Variants in VPS13B observed in about 807,000 individuals in gnomAD.
VPS13B encodes the protein intermembrane lipid transfer protein VPS13B.
In VPS13B, 285 loss-of-function variants were observed where a neutral mutation model predicts 426.4. The ratio of observed to expected loss-of-function variants is 0.67; its 90% CI spans 0.61 to 0.74. The LOEUF (loss-of-function observed/expected upper bound fraction) is 0.74, where lower values mean the gene tolerates loss of function less well. VPS13B is among the 30% of genes least tolerant of loss of function. The pLI, the probability that VPS13B is intolerant of heterozygous loss-of-function variation, is 0.00. For missense variants in VPS13B, 4,537 were observed against 4,782.6 expected, an observed-to-expected ratio of 0.95 and a Z score of 1.51; for synonymous variants, 1,676 against 1,676.4, an observed-to-expected ratio of 1.00 and a Z score of 0.01.
intron 26 of VPS13B, among the ~76,000 whole-genome samples, 187 bp downstream of exon 26, chr8:99,502,045 C>T (rs546714952): frequency 4.6e-5 from 7 of 152,020 alleles, no homozygotes; most frequent in Admixed American, 3.9e-4. Context: ...AGTGCACTGG[C>T]GTGACCTTGC....
intron 3 of VPS13B, among the ~76,000 whole-genome samples, chr8:99,046,880 CT>C (rs1843267616): frequency 6.6e-6 from 1 of 152,272 alleles, no homozygotes; most frequent in East Asian, 1.9e-4. Flanking sequence ...ATGAAACCCA[CT>C]TGATCATGGG....
rs149891835 is a variant in VPS13B at position 99,132,593 on chromosome 8, G to C, written c.1207-2039G>C. Among the ~76,000 whole-genome samples the C allele has an allele frequency of 2.5e-3, 382 of 151,856 alleles. 5 individuals carry two copies. The highest frequency in any genetic ancestry group is 8.9e-3 in the African/African-American group (364 of 41,122). ...GAAAGTTTTTGATTTACTTTGCCTA[G>C]ATCCATCAGAGGAATCACTATCTAT... On this transcript the variant is annotated intron_variant, in intron 8 of 61. Coordinates refer to ENST00000357162, the MANE Select transcript of VPS13B (RefSeq NM_152564.5).
rs1426402069 is a variant in VPS13B at position 99,814,174 on chromosome 8, ATAGT to A, written c.8098-3363_8098-3360del. 3.9e-5 allele frequency among the ~76,000 whole-genome samples: 6 copies of A among 152,298 alleles called. No individual in the cohort carries two copies. In the East Asian group the frequency reaches 7.7e-4, roughly 20 times the overall value. On this transcript the variant is annotated intron_variant, in intron 44 of 61. Transcript: ENST00000357162. ...GATAATAATAATAGTTCATTTATAA[ATAGT>A]TATTCATATTTATTGGTGTAAATAA... is the stretch of plus-strand genomic sequence containing the variant.
intron 31 of VPS13B, among the ~76,000 whole-genome samples, chr8:99,569,214 A>G (rs890422136): frequency 6.6e-6 from 1 of 152,096 alleles, no homozygotes; most frequent in African/African-American, 2.4e-5. Context: ...ATGTTGCATA[A>G]GAATTGCTCT....
intron 30 of VPS13B, among the ~76,000 whole-genome samples, chr8:99,540,640 T>A (rs1439346337): frequency 6.6e-6 from 1 of 152,204 alleles, no homozygotes; most frequent in Admixed American, 6.5e-5. Context: ...TTCTCCACTT[T>A]TGACCATGTC....
intron 16 of VPS13B, among the ~76,000 whole-genome samples, chr8:99,185,318 A>G (rs1401941095): frequency 6.6e-6 from 1 of 152,214 alleles, no homozygotes; most frequent in Non-Finnish European, 1.5e-5. Flanking sequence ...TTGGGAGTAA[A>G]TAGTATTAGC....
rs772633497 is a variant in VPS13B, at chr8:99,720,350, C to T, written c.6663C>T (p.Phe2221=). The T allele has an allele frequency of 1.9e-6, 3 of 1,612,296 alleles. No individual in the cohort carries two copies. The South Asian group carries it at 3.3e-5, about 18-fold the overall frequency. ...ATTTTTTTATGATTTTAAAGGTCTT[C>T]TGGGGTCAAGAACATTTGAATTGTT... is the stretch of plus-strand genomic sequence containing the variant. ...IDLRGGLLQV[F]WGQEHLNCLV... The change falls in exon 38 of 62, where the codon TTC becomes TTT. Residue 2221 remains phenylalanine (F), a synonymous_variant. Coordinates refer to ENST00000357162, the MANE Select transcript of VPS13B (RefSeq NM_152564.5).
At chr8:99,080,755 T>C (rs1052546007) in intron 3 of VPS13B, among the ~76,000 whole-genome samples, 4 of 152,242 alleles carry the variant, frequency 2.6e-5, no homozygotes, top group African/African-American at 9.6e-5. Context: ...TTAATTTTAT[T>C]GTGACTTAAT....
chr8:99,073,415 G>A (rs923655497), intron 3 of VPS13B, among the ~76,000 whole-genome samples: 2 of 151,932 alleles, frequency 1.3e-5, no homozygotes, highest in Non-Finnish European at 2.9e-5. Flanking sequence ...TGAGTGTTTC[G>A]TAGTTTTTAT....
At chr8:99,393,625 T>TA (rs1430016983) in intron 21 of VPS13B, among the ~76,000 whole-genome samples, 1 of 152,134 alleles carries the variant, frequency 6.6e-6, no homozygotes, top group African/African-American at 2.4e-5. Context: ...CAAGCTTGCA[T>TA]AAAAATTAAT....
chr8:99,285,580 A>G (rs1588208725), intron 19 of VPS13B, among the ~76,000 whole-genome samples: 1 of 152,292 alleles, frequency 6.6e-6, no homozygotes, highest in South Asian at 2.1e-4. Context: ...TACCAGTATT[A>G]CTTTATTTTC....
chr8:99,635,725 G>T (rs73702030), intron 33 of VPS13B, among the ~76,000 whole-genome samples: 3,586 of 151,956 alleles, frequency 0.024, 141 homozygotes, highest in African/African-American at 0.08. Context: ...ATTTGAATAT[G>T]TTCATAAAAA....
At chr8:99,869,033 G>A (rs553681458) in intron 59 of VPS13B, among the ~76,000 whole-genome samples, 12 of 152,360 alleles carry the variant, frequency 7.9e-5, no homozygotes, top group East Asian at 1.9e-4. Flanking sequence ...GGGGCGTGCC[G>A]GGGCCTCTCC....
intron 19 of VPS13B, among the ~76,000 whole-genome samples, chr8:99,369,589 G>A (rs1048741181): frequency 6.6e-6 from 1 of 152,112 alleles, no homozygotes; most frequent in Non-Finnish European, 1.5e-5. Flanking sequence ...TGGGACAAGG[G>A]GAAAGGAATG....
intron 17 of VPS13B, among the ~76,000 whole-genome samples, chr8:99,203,667 T>C (rs1445465537): frequency 6.6e-6 from 1 of 152,194 alleles, no homozygotes; most frequent in African/African-American, 2.4e-5. Context: ...CAGCAAAGTC[T>C]CAGGATACAA....
At chr8:99,042,907 T>C (rs944529332) in intron 3 of VPS13B, among the ~76,000 whole-genome samples, 2 of 152,238 alleles carry the variant, frequency 1.3e-5, no homozygotes, top group African/African-American at 4.8e-5. Context: ...AGTTTCATCT[T>C]GTACTTTATT....
At chr8:99,623,444 G>A (rs1049766865) in intron 33 of VPS13B, among the ~76,000 whole-genome samples, 1 of 152,092 alleles carries the variant, frequency 6.6e-6, no homozygotes, top group Non-Finnish European at 1.5e-5. Context: ...TCGTAATATA[G>A]GCTCCACAAG....
intron 31 of VPS13B, among the ~76,000 whole-genome samples, chr8:99,573,732 G>T (rs368169753): frequency 2.6e-5 from 4 of 152,060 alleles, no homozygotes; most frequent in Non-Finnish European, 5.9e-5. Context: ...GTCAGGTAGC[G>T]TGATGCCTCC....
intron 39 of VPS13B, among the ~76,000 whole-genome samples, chr8:99,756,605 A>T (rs1037725691): frequency 6.6e-6 from 1 of 152,200 alleles, no homozygotes; most frequent in Admixed American, 6.6e-5. Flanking sequence ...AACTCATCAC[A>T]TATAAGGGAT....
Sources: gnomAD v4.1 joint callset for allele counts (sites outside exome capture counted in the v4.1 genomes callset) on GRCh38, gnomAD v4.1.1 for gene constraint, MANE v1.5 for transcripts, NCBI Gene and HGNC (gene_info 2026-07-23, HGNC 2026-07-21) for gene names.